The following MAP3K19 variants were observed in gnomAD, a reference collection of about 807,000 sequenced individuals.
The protein encoded by MAP3K19 is SPS1/STE20-related protein kinase YSK4.
Under a neutral mutation model 114.4 loss-of-function variants are expected in MAP3K19, and 91 were observed. That is an observed-to-expected ratio of 0.80 (90% CI 0.67 to 0.95). The LOEUF is 0.95. Among genes scored for constraint, MAP3K19 ranks in the 40% least tolerant of loss-of-function variants. MAP3K19 has a pLI of 0.00. For synonymous variants in MAP3K19, 518 were observed against 530.5 expected (o/e 0.98, Z 0.32); for missense variants, 1,471 against 1,573.2 (o/e 0.94, Z 1.10).
At chr2:134,984,882 G>A (rs1044588604) in intron 10 of MAP3K19, among the ~76,000 whole-genome samples, 3 of 152,202 alleles carry the variant, frequency 2.0e-5, no homozygotes, top group African/African-American at 7.2e-5. Flanking sequence ...AACCCAGGAG[G>A]TGGAGTTTGC....
intron 5 of MAP3K19, among the ~76,000 whole-genome samples, chr2:135,013,297 G>GT (rs1213958467): frequency 6.7e-6 from 1 of 148,980 alleles, no homozygotes; most frequent in Non-Finnish European, 1.5e-5. Context: ...GGGCGACAGA[G>GT]TAAGAGTCCG....
intron 12 of MAP3K19, among the ~76,000 whole-genome samples, chr2:134,969,251 CTG>C (rs1298363446): frequency 2.6e-5 from 4 of 152,086 alleles, no homozygotes; most frequent in African/African-American, 4.8e-5. Flanking sequence ...ACTCGGCAGG[CTG>C]AGGCAGGAGA....
chr2:135,024,633 T>C lies in MAP3K19; in HGVS notation c.15A>G (p.Pro5=), dbSNP rs373389052. 1 of 1,613,802 alleles carries C rather than the reference T, an allele frequency of 6.2e-7. No individual in the cohort carries two copies. The highest frequency in any genetic ancestry group is 1.3e-5 in the African/African-American group (1 of 75,040). The change falls in exon 4 of 13, where the codon CCA becomes CCG. Residue 5 remains proline, a synonymous_variant. Transcript: ENST00000392915. ...TGGAGTGAAAGTATTTACCTGGTTT[T>C]GGCATAGAACTCATTAAAATGTCCA... MSSM[P]KPERHAESLL...
Position 134,999,089 on chromosome 2 carries a change from T to C in MAP3K19, c.315-92A>G. On this transcript the variant is annotated intron_variant, in intron 7 of 12. Transcript: ENST00000392915. The surrounding 1 kb of genome is among the most constrained non-coding windows in gnomAD (Gnocchi z 4.1). Reference sequence around the variant, plus strand: ...GTTCAGCCTGACATCACTAGAAAGTTTGAAGAACTACTTCCAAATGGTGCT... The same window carrying C: ...GTTCAGCCTGACATCACTAGAAAGTCTGAAGAACTACTTCCAAATGGTGCT... 7.3e-7 allele frequency: 1 copy of C among 1,379,250 alleles called. No individual in the cohort carries two copies. The highest frequency in any genetic ancestry group is 1.4e-5 in the South Asian group (1 of 72,478). The allele number at this position is 1,379,250 out of a possible 1,614,324, so 85.4% of individuals were successfully genotyped here.
At chr2:135,024,377 C>A (rs1688169613) in intron 4 of MAP3K19, among the ~76,000 whole-genome samples, 1 of 152,142 alleles carries the variant, frequency 6.6e-6, no homozygotes, top group African/African-American at 2.4e-5. Context: ...AAGTTTACAG[C>A]AAGCTCTCTC....
At chr2:135,035,018 T>C (rs571675634) in intron 2 of MAP3K19, among the ~76,000 whole-genome samples, 61 of 152,252 alleles carry the variant, frequency 4.0e-4, no homozygotes, top group South Asian at 1.0e-3. Context: ...TGAATGAACC[T>C]TGAAAACATT....
At chr2:135,009,623 T>G (rs947061139) in intron 5 of MAP3K19, among the ~76,000 whole-genome samples, 4 of 152,204 alleles carry the variant, frequency 2.6e-5, no homozygotes, top group African/African-American at 9.6e-5. Context: ...GCTACTCAGT[T>G]CATTTGTCAG....
intron 11 of MAP3K19, chr2:134,983,431 A>G (rs1319677694): frequency 1.7e-6 from 1 of 597,852 alleles, no homozygotes; most frequent in Non-Finnish European, 3.1e-6. Context: ...TCCTGATGAC[A>G]TTGTCTGATC....
rs1440810033 is a variant in MAP3K19, at chr2:134,968,521, C to T, written c.3921-3605G>A. ...CCCACCTCCCTCCCGGACGGGGTGG[C>T]TGCCGGGCGGAGACGCTCCTCACTT... On this transcript the variant is annotated intron_variant, in intron 12 of 12. Coordinates refer to ENST00000392915, the MANE Select transcript of MAP3K19 (RefSeq NM_025052.5). Among the ~76,000 whole-genome samples, 4 of 149,856 alleles carry T rather than the reference C, an allele frequency of 2.7e-5. No homozygotes were observed. The East Asian group carries it at 7.9e-4, about 30-fold the overall frequency.
At position 134,987,706 on chromosome 2, in the gene MAP3K19, G is replaced by A. The variant is rs755851561; in HGVS notation, c.1166C>T (p.Thr389Ile). 1 of 1,612,640 alleles carries A rather than the reference G, an allele frequency of 6.2e-7. No individual in the cohort carries two copies. Among genetic ancestry groups the A allele is most frequent in the East Asian group, 2.2e-5 (1 of 44,864 alleles). Reference sequence around the variant, plus strand: ...GGTTTCTTGGAACTTGCTTGGAATGGTACATACTATTTCTGGATCTTGTTC... The same window carrying A: ...GGTTTCTTGGAACTTGCTTGGAATGATACATACTATTTCTGGATCTTGTTC... ...NYEQDPEIVCTIPSKFQETQH... is the reference protein window; with the variant it reads ...NYEQDPEIVCIIPSKFQETQH... The change falls in exon 10 of 13, where the codon ACC becomes ATC. Residue 389 changes from threonine (T) to isoleucine (I), a missense_variant. Physicochemically the swap from Thr to Ile is moderately conservative, Grantham distance 89. Coordinates refer to ENST00000392915, the MANE Select transcript of MAP3K19 (RefSeq NM_025052.5).
chr2:134,971,144 A>C (rs1052518200), intron 12 of MAP3K19, among the ~76,000 whole-genome samples: 3 of 152,158 alleles, frequency 2.0e-5, no homozygotes, highest in African/African-American at 7.2e-5. Flanking sequence ...TGGATTTTAG[A>C]AAATGTCTTT....
At chr2:134,998,287 A>C (rs1026428881) in intron 8 of MAP3K19, among the ~76,000 whole-genome samples, 6 of 152,212 alleles carry the variant, frequency 3.9e-5, no homozygotes, top group Non-Finnish European at 7.3e-5. Context: ...ACAGATAAAC[A>C]TCAACCAAAT....
chr2:134,998,908 T>C lies in MAP3K19; in HGVS notation c.404A>G (p.Lys135Arg), dbSNP rs374864199. 32 of 1,614,218 alleles carry C rather than the reference T, an allele frequency of 2.0e-5. No homozygotes were observed. In the African/African-American group the frequency reaches 3.6e-4, roughly 18 times the overall value. Reference protein sequence around the residue: ...EIETVELRKKKLTMRPLVLQK... With the variant: ...EIETVELRKKRLTMRPLVLQK... The stretch of plus-strand genomic sequence containing the variant: ...CAAAACTAAGGGCCGCATGGTCAGC[T>C]TCTTTTTCCTGAGCTCCACCGTTTC... The change falls in exon 8 of 13, where the codon AAG (lysine) becomes AGG (arginine). Residue 135 changes from lysine (K) to arginine (R), a missense_variant. Lys to Arg is a conservative substitution (Grantham distance 26). Coordinates refer to ENST00000392915, the MANE Select transcript of MAP3K19 (RefSeq NM_025052.5).
Position 134,967,883 on chromosome 2 carries a change from A to G in MAP3K19, c.3921-2967T>C, listed in dbSNP as rs556655989. Among the ~76,000 whole-genome samples the G allele has an allele frequency of 6.2e-3, 857 of 138,790 alleles. 4 individuals are homozygous for G. The highest frequency in any genetic ancestry group is 0.02 in the Middle Eastern group (5 of 256). The allele number at this position is 138,790 out of a possible 152,430, so 91.1% of individuals were successfully genotyped here. On this transcript the variant is annotated intron_variant, in intron 12 of 12. Coordinates refer to ENST00000392915, the MANE Select transcript of MAP3K19 (RefSeq NM_025052.5). ...TTTTTTTTTTTTTTATTTTTTATTG[A>G]TCATTCTTGGGTGTTTCTCGCAGAG...
chr2:135,031,158 T>TAA (rs58623364), intron 2 of MAP3K19, among the ~76,000 whole-genome samples: 4 of 135,004 alleles, frequency 3.0e-5, no homozygotes, highest in Admixed American at 7.3e-5. Context: ...GAGACATATT[T>TAA]AAAAAAAAAA....
intron 12 of MAP3K19, among the ~76,000 whole-genome samples, chr2:134,967,872 A>G (rs1028726014): frequency 8.9e-6 from 1 of 112,972 alleles, no homozygotes; most frequent in Non-Finnish European, 2.0e-5. Flanking sequence ...TTTTTTTTTT[A>G]TTTTTTATTG....
In MAP3K19 at chr2:134,978,289, G is replaced by GATCATCTC. The variant is rs1285397965; in HGVS notation, c.3920+2531_3920+2532insGAGATGAT. ...GCAGCATCAACTTCCGGGGTCAAGC[G>GATCATCTC]ATCCTCTCATCCTCTCACCTCAGCC... On this transcript the variant is annotated intron_variant, in intron 12 of 12. Transcript: ENST00000392915. Among the ~76,000 whole-genome samples the GATCATCTC allele has an allele frequency of 3.4e-4, 51 of 151,546 alleles. 1 individual carries two copies. The East Asian group carries it at 9.6e-3, about 28-fold the overall frequency.
At chr2:135,014,088 C>G (rs924849825) in intron 5 of MAP3K19, among the ~76,000 whole-genome samples, 1 of 152,158 alleles carries the variant, frequency 6.6e-6, no homozygotes, top group African/African-American at 2.4e-5. Flanking sequence ...GCCAGTGGTT[C>G]ACATCTGTAA....
chr2:134,998,707 G>T (rs1240541739), intron 8 of MAP3K19, 31 bp downstream of exon 8: 2 of 1,571,082 alleles, frequency 1.3e-6, no homozygotes, highest in African/African-American at 1.4e-5. Flanking sequence ...TGACCAAAAG[G>T]ACTCACTGTG....
Sources: gnomAD v4.1 joint callset for allele counts (sites outside exome capture counted in the v4.1 genomes callset) on GRCh38, gnomAD v4.1.1 for gene constraint, Gnocchi (gnomAD v3.1) non-coding constraint, MANE v1.5 for transcripts, NCBI Gene and HGNC (gene_info 2026-07-23, HGNC 2026-07-21) for gene names.